Variants in HEMK2 observed in about 807,000 individuals in gnomAD.
The protein encoded by HEMK2 is HemK methyltransferase 2, ETF1 glutamine and histone H4 lysine.
the HEMK2 span, among the ~76,000 whole-genome samples, chr21:28,605,400 T>C: frequency 6.6e-6 from 1 of 152,238 alleles, no homozygotes; most frequent in Non-Finnish European, 1.5e-5. Context: ...CAGTGGAGAA[T>C]GGCACTCATG....
chr21:28,775,546 A>G, the HEMK2 span, among the ~76,000 whole-genome samples: 1 of 152,320 alleles, frequency 6.6e-6, no homozygotes, highest in South Asian at 2.1e-4. Context: ...GATAGAAAGA[A>G]TGTAAAGGAG....
the HEMK2 span, among the ~76,000 whole-genome samples, chr21:28,710,853 C>T: frequency 4.6e-5 from 7 of 152,160 alleles, no homozygotes; most frequent in African/African-American, 1.7e-4. Context: ...GAAGATCCCA[C>T]CCAAATTCCA....
the HEMK2 span, among the ~76,000 whole-genome samples, chr21:28,835,359 G>C: frequency 6.6e-6 from 1 of 152,166 alleles, no homozygotes; most frequent in East Asian, 1.9e-4. Flanking sequence ...GAACTGCGTA[G>C]ACTCACTGGG....
the HEMK2 span, among the ~76,000 whole-genome samples, chr21:28,836,994 C>G: frequency 6.6e-6 from 1 of 152,142 alleles, no homozygotes; most frequent in African/African-American, 2.4e-5. Flanking sequence ...ATACCACAAT[C>G]ATAAATCTGA....
the HEMK2 span, among the ~76,000 whole-genome samples, chr21:28,592,990 G>A: frequency 1.3e-5 from 2 of 152,124 alleles, no homozygotes; most frequent in Admixed American, 6.6e-5. Flanking sequence ...TTTGCTTTCT[G>A]ATGATTCCAT....
the HEMK2 span, among the ~76,000 whole-genome samples, chr21:28,848,909 C>G: frequency 6.6e-6 from 1 of 152,168 alleles, no homozygotes; most frequent in African/African-American, 2.4e-5. Flanking sequence ...ACCAGCAACC[C>G]TGCCCCTGCC....
At chr21:28,834,884 C>G in the HEMK2 span, among the ~76,000 whole-genome samples, 1 of 152,040 alleles carries the variant, frequency 6.6e-6, no homozygotes, top group African/African-American at 2.4e-5. Context: ...TCCCCTACTT[C>G]CTAGACAACC....
chr21:28,768,446 G>A, the HEMK2 span, among the ~76,000 whole-genome samples: 12 of 151,978 alleles, frequency 7.9e-5, no homozygotes, highest in East Asian at 1.9e-4. Context: ...GAGTGTTCCC[G>A]TATGGAAATA....
At chr21:28,646,307 C>A in the HEMK2 span, among the ~76,000 whole-genome samples, 2 of 152,172 alleles carry the variant, frequency 1.3e-5, no homozygotes, top group African/African-American at 2.4e-5. Context: ...GGGTGATTCA[C>A]TTAAGCATAT....
At chr21:28,798,898 T>C in the HEMK2 span, among the ~76,000 whole-genome samples, 1 of 152,182 alleles carries the variant, frequency 6.6e-6, no homozygotes, top group Non-Finnish European at 1.5e-5. Context: ...GCAAAATGCA[T>C]CCCTATCCCT....
the HEMK2 span, among the ~76,000 whole-genome samples, chr21:28,770,172 A>C: frequency 6.6e-6 from 1 of 152,162 alleles, no homozygotes; most frequent in Non-Finnish European, 1.5e-5. Context: ...TTCACAAGGA[A>C]GTAGAGTTTG....
chr21:28,680,973 T>A, the HEMK2 span, among the ~76,000 whole-genome samples: 2 of 151,996 alleles, frequency 1.3e-5, no homozygotes, highest in African/African-American at 2.4e-5. Flanking sequence ...CTGGAAGCAA[T>A]CCCTTTGAAA....
chr21:28,804,892 T>G, the HEMK2 span, among the ~76,000 whole-genome samples: 3 of 152,320 alleles, frequency 2.0e-5, no homozygotes, highest in Middle Eastern at 0.01. Context: ...TGCATACTGT[T>G]TGTAATTCAT....
At chr21:28,879,894 G>C in the HEMK2 span, 1 of 1,598,558 alleles carries the variant, frequency 6.3e-7, no homozygotes, top group Non-Finnish European at 8.5e-7. Flanking sequence ...TCACTACATA[G>C]GGGGGATTAA....
the HEMK2 span, among the ~76,000 whole-genome samples, chr21:28,667,102 T>A: frequency 6.6e-6 from 1 of 152,160 alleles, no homozygotes; most frequent in African/African-American, 2.4e-5. Flanking sequence ...GACTTGTTAT[T>A]AGAAATAAAG....
chr21:28,835,104 G>A, the HEMK2 span, among the ~76,000 whole-genome samples: 1,136 of 152,134 alleles, frequency 7.5e-3, 18 homozygotes, highest in African/African-American at 0.026. Flanking sequence ...GAGAGTTCTA[G>A]GGCCCCACCC....
chr21:28,686,127 C>G, the HEMK2 span, among the ~76,000 whole-genome samples: 53 of 152,344 alleles, frequency 3.5e-4, no homozygotes, highest in South Asian at 0.011. Flanking sequence ...AAGAGCCTGG[C>G]TAGAGTTTGG....
chr21:28,869,786 T>C, the HEMK2 span, among the ~76,000 whole-genome samples: 1 of 152,200 alleles, frequency 6.6e-6, no homozygotes, highest in East Asian at 1.9e-4. Flanking sequence ...AAGCAATAAA[T>C]TTTTAGTGTG....
At chr21:28,774,375 G>T in the HEMK2 span, among the ~76,000 whole-genome samples, 2 of 152,054 alleles carry the variant, frequency 1.3e-5, no homozygotes, top group African/African-American at 4.8e-5. Flanking sequence ...GATCACTGAG[G>T]CCAGGAGTTC....
Sources: gnomAD v4.1 joint callset for allele counts (sites outside exome capture counted in the v4.1 genomes callset) on GRCh38, gnomAD v4.1.1 for gene constraint, MANE v1.5 for transcripts, NCBI Gene and HGNC (gene_info 2026-07-23, HGNC 2026-07-21) for gene names.